The following SPOCK1 variants were observed in gnomAD, a reference collection of about 807,000 sequenced individuals.
The protein encoded by SPOCK1 is SPARC (osteonectin), cwcv and kazal like domains proteoglycan 1, also known as testican-1.
A neutral mutation model predicts 55.3 loss-of-function variants in SPOCK1; 23 were observed. That is an observed-to-expected ratio of 0.42 (90% CI 0.30 to 0.59). SPOCK1 has a LOEUF of 0.59. SPOCK1 is among the 20% of genes least tolerant of loss of function. The pLI, the probability that SPOCK1 is intolerant of heterozygous loss-of-function variation, is 0.22. For synonymous variants in SPOCK1, 226 were observed against 221.0 expected, an observed-to-expected ratio of 1.02 and a Z score of -0.20; for missense variants, 499 against 552.5, an observed-to-expected ratio of 0.90 and a Z score of 0.97.
intron 2 of SPOCK1, among the ~76,000 whole-genome samples, chr5:137,312,889 TGGA>T: frequency 6.6e-6 from 1 of 152,298 alleles, no homozygotes; most frequent in South Asian, 2.1e-4. Context: ...TAAATGCTAC[TGGA>T]GGAGGAATGC....
At chr5:137,307,426 G>A (rs1220998304) in intron 2 of SPOCK1, among the ~76,000 whole-genome samples, 1 of 152,224 alleles carries the variant, frequency 6.6e-6, no homozygotes, top group Non-Finnish European at 1.5e-5. Flanking sequence ...AAAGCTCTCA[G>A]CCAACATGTT....
At chr5:137,263,089 A>C (rs567478709) in intron 3 of SPOCK1, among the ~76,000 whole-genome samples, 1 of 152,312 alleles carries the variant, frequency 6.6e-6, no homozygotes, top group African/African-American at 2.4e-5. Flanking sequence ...CTGACTCCAA[A>C]CCCTAAGACC....
In SPOCK1 at chr5:137,133,065, T is replaced by C. The variant is rs545796510; in HGVS notation, c.347+7515A>G. ...ACATTTTACTGGCAGTCTTCTTTTG[T>C]TATTTTTAAAAATGTATTCGTAGGC... On this transcript the variant is annotated intron_variant, in intron 4 of 10. Coordinates refer to ENST00000394945, the MANE Select transcript of SPOCK1 (RefSeq NM_004598.4). Among the ~76,000 whole-genome samples, 5 of 152,288 alleles carry C rather than the reference T, an allele frequency of 3.3e-5. No individual in the cohort carries two copies. In the South Asian group the frequency reaches 1.0e-3, roughly 32 times the overall value.
chr5:137,317,158 G>T (rs1303258409), intron 2 of SPOCK1, among the ~76,000 whole-genome samples: 2 of 152,154 alleles, frequency 1.3e-5, no homozygotes, highest in African/African-American at 2.4e-5. Flanking sequence ...GTATCCTGGG[G>T]GAGAGTCTCT....
At chr5:137,183,434 G>T (rs1405059121) in intron 3 of SPOCK1, among the ~76,000 whole-genome samples, 5 of 152,164 alleles carry the variant, frequency 3.3e-5, no homozygotes, top group Admixed American at 1.3e-4. Flanking sequence ...AGAGATCAGG[G>T]TAGAAAGTTT....
intron 2 of SPOCK1, among the ~76,000 whole-genome samples, chr5:137,306,791 C>T (rs563706744): frequency 6.6e-6 from 1 of 151,880 alleles, no homozygotes; most frequent in Admixed American, 6.6e-5. Context: ...ATTTTCTCAG[C>T]CTAAACAACA....
chr5:136,996,473 C>T (rs997740114), intron 6 of SPOCK1, among the ~76,000 whole-genome samples: 6 of 152,144 alleles, frequency 3.9e-5, no homozygotes, highest in East Asian at 1.9e-4. Flanking sequence ...TGGATGGACA[C>T]GTGCCAGCTA....
intron 6 of SPOCK1, among the ~76,000 whole-genome samples, chr5:137,027,794 C>T (rs1025426548): frequency 6.6e-6 from 1 of 151,594 alleles, no homozygotes; most frequent in Admixed American, 6.6e-5. Flanking sequence ...CCCTTTTGCA[C>T]CCCTCATTCT....
intron 4 of SPOCK1, among the ~76,000 whole-genome samples, chr5:137,115,254 T>G (rs1554098244): frequency 6.6e-6 from 1 of 152,042 alleles, no homozygotes; most frequent in Non-Finnish European, 1.5e-5. Context: ...TCACAGAATG[T>G]CAGAACGAGA....
intron 3 of SPOCK1, among the ~76,000 whole-genome samples, chr5:137,226,658 G>A (rs978985005): frequency 2.0e-5 from 3 of 152,102 alleles, no homozygotes; most frequent in Non-Finnish European, 4.4e-5. Flanking sequence ...CTACACCCTA[G>A]GGAACCCCTA....
At chr5:137,236,237 A>G (rs779241609) in intron 3 of SPOCK1, among the ~76,000 whole-genome samples, 2 of 152,248 alleles carry the variant, frequency 1.3e-5, no homozygotes, top group Non-Finnish European at 2.9e-5. Context: ...CTCTAGGCCC[A>G]GGAGAGGCCA....
rs141477438 is a variant in SPOCK1 at position 137,138,474 on chromosome 5, A to G, written c.347+2106T>C. Among the ~76,000 whole-genome samples, 327 of 147,052 alleles carry G rather than the reference A, an allele frequency of 2.2e-3. 1 individual carries two copies. Among genetic ancestry groups the G allele is most frequent in the South Asian group, 6.5e-3 (29 of 4,496 alleles). On this transcript the variant is annotated intron_variant, in intron 4 of 10. Transcript: ENST00000394945. ...TCCTGCATTGTAGGAGGAAACATGC[A>G]ATGGACTCTCCATCTTACACACACA...
intron 2 of SPOCK1, among the ~76,000 whole-genome samples, chr5:137,434,138 A>C (rs1241725985): frequency 6.6e-6 from 1 of 152,248 alleles, no homozygotes; most frequent in African/African-American, 2.4e-5. Context: ...CCATCTGAAG[A>C]AATGGCAAAG....
At chr5:137,397,107 A>C (rs561235191) in intron 2 of SPOCK1, among the ~76,000 whole-genome samples, 74 of 152,140 alleles carry the variant, frequency 4.9e-4, no homozygotes, top group Non-Finnish European at 3.5e-4. Context: ...CTTGGTCCAA[A>C]AGCTCAACAC....
chr5:137,400,802 T>C lies in SPOCK1; in HGVS notation c.186+97571A>G, dbSNP rs571057960. Among the ~76,000 whole-genome samples, 9 of 152,226 alleles carry C rather than the reference T, an allele frequency of 5.9e-5. No individual in the cohort carries two copies. In the South Asian group the frequency reaches 6.2e-4, roughly 11 times the overall value. ...GCATGGGCAAACACCCAAACACAGATGGTCCAAAGAACAGCTGGCAAGGAG... is the reference window on the plus strand; with the variant it reads ...GCATGGGCAAACACCCAAACACAGACGGTCCAAAGAACAGCTGGCAAGGAG... On this transcript the variant is annotated intron_variant, in intron 2 of 10. Coordinates refer to ENST00000394945, the MANE Select transcript of SPOCK1 (RefSeq NM_004598.4).
intron 6 of SPOCK1, among the ~76,000 whole-genome samples, chr5:137,040,998 A>G (rs978916167): frequency 1.3e-5 from 2 of 152,222 alleles, no homozygotes; most frequent in Non-Finnish European, 2.9e-5. Flanking sequence ...GGAACCATAC[A>G]TATTTCTTTA....
chr5:137,144,856 T>C (rs1754163592), intron 3 of SPOCK1, among the ~76,000 whole-genome samples: 1 of 152,134 alleles, frequency 6.6e-6, no homozygotes, highest in Non-Finnish European at 1.5e-5. Flanking sequence ...GAGTTCAAAG[T>C]TTCCTTGTCA....
chr5:137,498,911 CGG>C (rs2149847733), intron 1 of SPOCK1, among the ~76,000 whole-genome samples: 2 of 144 alleles, frequency 0.014, no homozygotes, highest in East Asian at 0.33. Flanking sequence ...CTCCCACAGA[CGG>C]TGCGGTGCAC....
intron 2 of SPOCK1, among the ~76,000 whole-genome samples, chr5:137,370,982 T>C (rs1436857095): frequency 2.0e-5 from 3 of 152,214 alleles, no homozygotes; most frequent in East Asian, 1.9e-4. Flanking sequence ...TAGCTGGCCA[T>C]GCCTGTCAAT....
Sources: allele counts gnomAD v4.1 joint callset (sites outside exome capture counted in the v4.1 genomes callset), GRCh38; gene constraint gnomAD v4.1.1; transcripts MANE v1.5; gene names NCBI Gene and HGNC (gene_info 2026-07-23, HGNC 2026-07-21).